Variants in TRAK1 observed in about 807,000 individuals in gnomAD.
TRAK1 encodes the protein trafficking kinesin-binding protein 1.
In TRAK1, 33 loss-of-function variants were observed where a neutral mutation model predicts 92.1. The ratio of observed to expected loss-of-function variants is 0.36; its 90% CI spans 0.27 to 0.48. TRAK1 has a LOEUF of 0.48. TRAK1 is among the 20% of genes least tolerant of loss of function. The pLI is 0.99. For missense variants in TRAK1, 1,123 were observed against 1,257.9 expected, an observed-to-expected ratio of 0.89 and a Z score of 1.62; for synonymous variants, 521 against 517.3, an observed-to-expected ratio of 1.01 and a Z score of -0.10.
chr3:42,196,111 G>A (rs541723059), intron 10 of TRAK1, among the ~76,000 whole-genome samples: 1 of 152,338 alleles, frequency 6.6e-6, no homozygotes, highest in Admixed American at 6.5e-5. Flanking sequence ...GGGATTCTCA[G>A]CTTTCATATT....
At chr3:42,128,653 C>T (rs1463472169) in intron 2 of TRAK1, among the ~76,000 whole-genome samples, 1 of 152,182 alleles carries the variant, frequency 6.6e-6, no homozygotes, top group African/African-American at 2.4e-5. Context: ...TAGTTATGAA[C>T]ATAGACACAC....
At chr3:42,047,940 G>A (rs1363256424) in intron 1 of TRAK1, among the ~76,000 whole-genome samples, 1 of 57,706 alleles carries the variant, frequency 1.7e-5, no homozygotes, top group African/African-American at 7.5e-5. Context: ...TTTTTTTTTT[G>A]GTAAAATCAC....
At chr3:42,205,936 T>G (rs1708281254) in intron 13 of TRAK1, among the ~76,000 whole-genome samples, 3 of 152,240 alleles carry the variant, frequency 2.0e-5, no homozygotes, top group Admixed American at 2.0e-4. Flanking sequence ...CTCTCTTTCC[T>G]TGCCCTGTTT....
rs545035199 is a variant in TRAK1 at position 42,203,020 on chromosome 3, C to G, written c.1744+268C>G. On this transcript the variant is annotated intron_variant, in intron 13 of 15. Coordinates refer to ENST00000327628, the MANE Select transcript of TRAK1 (RefSeq NM_001042646.3). The stretch of plus-strand genomic sequence containing the variant: ...GCATGTGCACTGTGGTCTTCTAGTT[C>G]TTTCCTTTGCCTTTAGAACCTTAGA... 23 of 1,260,420 alleles carry G rather than the reference C, an allele frequency of 1.8e-5. No individual in the cohort carries two copies. The African/African-American group carries it at 3.5e-4, about 19-fold the overall frequency. The allele number at this position is 1,260,420 out of a possible 1,614,324, so 78.1% of individuals were successfully genotyped here. A position where few individuals can be genotyped will look rare whatever the true frequency, so the allele number is the denominator to read the frequency against.
intron 14 of TRAK1, chr3:42,210,509 TC>T: frequency 8.4e-7 from 1 of 1,186,756 alleles, no homozygotes; most frequent in Non-Finnish European, 1.0e-6. Context: ...GATTCTCAAG[TC>T]CCCTGGTGAT....
chr3:42,129,623 C>T (rs765161040), intron 2 of TRAK1, among the ~76,000 whole-genome samples: 5 of 152,034 alleles, frequency 3.3e-5, no homozygotes, highest in Non-Finnish European at 7.4e-5. Context: ...TTAAAATGAC[C>T]CACAAAACAA....
intron 1 of TRAK1, among the ~76,000 whole-genome samples, chr3:42,107,500 G>A (rs1436236200): frequency 6.8e-6 from 1 of 146,874 alleles, no homozygotes; most frequent in Non-Finnish European, 1.5e-5. Context: ...GACAGAGCAA[G>A]ACTCCGTTTC....
intron 1 of TRAK1, among the ~76,000 whole-genome samples, chr3:42,014,805 GA>G (rs1213461839): frequency 1.4e-5 from 1 of 73,018 alleles, no homozygotes; most frequent in African/African-American, 3.1e-5. Context: ...TTGGACCGCT[GA>G]TTTTTTTTTT....
At chr3:42,053,218 A>G (rs1177638195) in intron 1 of TRAK1, among the ~76,000 whole-genome samples, 1 of 152,042 alleles carries the variant, frequency 6.6e-6, no homozygotes, top group Non-Finnish European at 1.5e-5. Context: ...TGTCTGGCTG[A>G]CTTTTCTCTA....
chr3:42,187,443 A>G (rs1705051875), intron 4 of TRAK1, among the ~76,000 whole-genome samples: 1 of 152,154 alleles, frequency 6.6e-6, no homozygotes, highest in East Asian at 1.9e-4. Flanking sequence ...AAAGCCCCTG[A>G]ATAGTTGCAT....
chr3:42,189,156 A>G (rs2149414000), intron 6 of TRAK1, 32 bp downstream of exon 6: 2 of 1,548,102 alleles, frequency 1.3e-6, no homozygotes, highest in Non-Finnish European at 1.8e-6. Context: ...TGCCCCTGCT[A>G]GAAGGGTGGT....
At chr3:42,218,343 C>T (rs1286835225) in intron 14 of TRAK1, 5 of 978,640 alleles carry the variant, frequency 5.1e-6, no homozygotes, top group African/African-American at 1.8e-5. Flanking sequence ...AGTTCACAGC[C>T]TTTTGAATCT....
At chr3:42,170,307 G>A (rs1164418134) in intron 2 of TRAK1, among the ~76,000 whole-genome samples, 2 of 152,180 alleles carry the variant, frequency 1.3e-5, no homozygotes, top group Non-Finnish European at 2.9e-5. Context: ...GAATTTTATG[G>A]AAAGCTTTTT....
At chr3:42,088,641 A>G (rs1704815927), upstream of TRAK1, among the ~76,000 whole-genome samples, 1 of 152,200 alleles carries the variant, frequency 6.6e-6, no homozygotes, top group East Asian at 1.9e-4. Context: ...CACTGCAGGC[A>G]GGCTCATGCC....
upstream of TRAK1, among the ~76,000 whole-genome samples, chr3:42,090,795 C>T (rs1260482797): frequency 3.3e-5 from 5 of 152,212 alleles, no homozygotes; most frequent in African/African-American, 4.8e-5. Context: ...TTGTTGGGAC[C>T]AGAGGAAAGC....
At chr3:42,091,900 T>G (rs1451802137) in intron 1 of TRAK1, among the ~76,000 whole-genome samples, 1 of 152,168 alleles carries the variant, frequency 6.6e-6, no homozygotes, top group Non-Finnish European at 1.5e-5. Flanking sequence ...TTCACAGTTC[T>G]CTGCAGTGGG....
intron 1 of TRAK1, among the ~76,000 whole-genome samples, chr3:42,091,768 A>G (rs1705103274): frequency 6.6e-6 from 1 of 151,768 alleles, no homozygotes; most frequent in Admixed American, 6.6e-5. Context: ...CCACCCCCCC[A>G]TCTCCCGTTC....
chr3:42,149,050 C>T (rs1699648185), intron 2 of TRAK1, among the ~76,000 whole-genome samples: 2 of 152,290 alleles, frequency 1.3e-5, no homozygotes, highest in South Asian at 4.1e-4. Flanking sequence ...CTGCTGCCAG[C>T]ATCCTTGGAA....
At chr3:42,023,446 C>T (rs1278458882) in intron 1 of TRAK1, among the ~76,000 whole-genome samples, 8 of 152,074 alleles carry the variant, frequency 5.3e-5, no homozygotes, top group Admixed American at 1.3e-4. Context: ...CTTTGGTAAA[C>T]GTGTCCTAGG....
Sources: gnomAD v4.1 joint callset for allele counts (sites outside exome capture counted in the v4.1 genomes callset) on GRCh38, gnomAD v4.1.1 for gene constraint, MANE v1.5 for transcripts, NCBI Gene and HGNC (gene_info 2026-07-23, HGNC 2026-07-21) for gene names.